PRELID2: variants seen among roughly 807,000 people sequenced by gnomAD.
PRELID2 encodes PRELI domain containing 2, also known as PRELI domain-containing protein 2.
Under a neutral mutation model 28.4 loss-of-function variants are expected in PRELID2, and 25 were observed. The observed-to-expected ratio is 0.88, with a 90% CI of 0.64 to 1.23. The LOEUF is 1.23. Among genes scored for constraint, PRELID2 ranks in the 50% most tolerant of loss-of-function variants. PRELID2 has a pLI of 0.00. For synonymous variants in PRELID2, 76 were observed against 71.6 expected (o/e 1.06, Z -0.31); for missense variants, 201 against 214.4 (o/e 0.94, Z 0.39).
chr5:145,431,762 C>T, the PRELID2 span, among the ~76,000 whole-genome samples: 2 of 152,122 alleles, frequency 1.3e-5, no homozygotes, highest in African/African-American at 4.8e-5. Context: ...CTGAAAGGGA[C>T]TAAAGAGATA....
chr5:145,381,373 A>T, the PRELID2 span, among the ~76,000 whole-genome samples: 1 of 152,146 alleles, frequency 6.6e-6, no homozygotes, highest in African/African-American at 2.4e-5. Context: ...AGCCCCAAAA[A>T]TCTACATATT....
intron 1 of PRELID2, among the ~76,000 whole-genome samples, chr5:145,830,949 C>G (rs1755543129): frequency 2.0e-5 from 3 of 152,180 alleles, no homozygotes; most frequent in African/African-American, 7.2e-5. Flanking sequence ...AATAGAACTT[C>G]CTCAGTGCTA....
At chr5:145,503,314 T>A (rs1044668917) in intron 1 of PRELID2, among the ~76,000 whole-genome samples, 2 of 152,118 alleles carry the variant, frequency 1.3e-5, no homozygotes, top group Non-Finnish European at 2.9e-5. Context: ...CCACACCTCA[T>A]CCACTTAATT....
chr5:145,751,285 C>T (rs1180849461), intron 1 of PRELID2, among the ~76,000 whole-genome samples: 2 of 152,134 alleles, frequency 1.3e-5, no homozygotes, highest in Admixed American at 6.5e-5. Context: ...GGATATGCTG[C>T]GAGAACATAG....
intron 1 of PRELID2, among the ~76,000 whole-genome samples, chr5:145,744,436 A>C (rs1263943832): frequency 1.3e-5 from 2 of 152,224 alleles, no homozygotes; most frequent in African/African-American, 2.4e-5. Context: ...CACCCTGTAC[A>C]GAAGGAATCC....
chr5:145,798,435 T>C (rs1384066247), intron 4 of PRELID2, among the ~76,000 whole-genome samples: 3 of 152,102 alleles, frequency 2.0e-5, no homozygotes, highest in African/African-American at 7.2e-5. Context: ...TCTGTGCAAA[T>C]TAGTTCAACC....
At chr5:145,273,697 T>C in the PRELID2 span, among the ~76,000 whole-genome samples, 17 of 152,166 alleles carry the variant, frequency 1.1e-4, no homozygotes, top group Non-Finnish European at 2.4e-4. Context: ...AAGTTATTGA[T>C]TATGAATATC....
chr5:145,568,750 T>G (rs1752990295), intron 1 of PRELID2, among the ~76,000 whole-genome samples: 1 of 152,202 alleles, frequency 6.6e-6, no homozygotes, highest in Non-Finnish European at 1.5e-5. Context: ...GCCAGCTGCT[T>G]TTATTTATGA....
intron 1 of PRELID2, among the ~76,000 whole-genome samples, chr5:145,730,531 G>A (rs967524883): frequency 2.0e-5 from 3 of 152,170 alleles, no homozygotes; most frequent in East Asian, 1.9e-4. Flanking sequence ...ATGAGGATGA[G>A]GTTGGTTGGA....
At chr5:145,359,839 T>A in the PRELID2 span, among the ~76,000 whole-genome samples, 565 of 152,314 alleles carry the variant, frequency 3.7e-3, 2 homozygotes, top group Non-Finnish European at 6.7e-3. Flanking sequence ...TTATAAACAC[T>A]CTACTACCAA....
the PRELID2 span, among the ~76,000 whole-genome samples, chr5:145,417,343 T>G: frequency 1.3e-5 from 2 of 152,168 alleles, no homozygotes; most frequent in Non-Finnish European, 1.5e-5. Context: ...TTGCCATTTC[T>G]ACTGAAATGA....
At chr5:145,616,387 T>G (rs1046628845) in intron 1 of PRELID2, among the ~76,000 whole-genome samples, 1 of 152,184 alleles carries the variant, frequency 6.6e-6, no homozygotes, top group African/African-American at 2.4e-5. Flanking sequence ...TATTCTTAGG[T>G]TGGTATCAGG....
At chr5:145,412,220 C>A in the PRELID2 span, among the ~76,000 whole-genome samples, 1 of 152,120 alleles carries the variant, frequency 6.6e-6, no homozygotes, top group South Asian at 2.1e-4. Context: ...ATGGGTTTTT[C>A]TTTTTTCCTG....
the PRELID2 span, among the ~76,000 whole-genome samples, chr5:145,340,309 A>G: frequency 1.3e-5 from 2 of 152,106 alleles, no homozygotes; most frequent in East Asian, 3.9e-4. Context: ...TGTCACAGTC[A>G]CCACCAACAT....
the PRELID2 span, among the ~76,000 whole-genome samples, chr5:145,337,692 T>C: frequency 1.3e-4 from 2 of 14,892 alleles, no homozygotes; most frequent in South Asian, 3.9e-3. Flanking sequence ...GGCAAATATA[T>C]ATATATATAT....
intron 5 of PRELID2, among the ~76,000 whole-genome samples, chr5:145,785,920 G>A (rs1751964219): frequency 6.6e-6 from 1 of 152,174 alleles, no homozygotes; most frequent in Non-Finnish European, 1.5e-5. Flanking sequence ...TAAAATAGCT[G>A]AATCCTGCCT....
rs577979528 is a variant in PRELID2 at position 145,677,795 on chromosome 5, G to A, written n.70+87136C>T. Among the ~76,000 whole-genome samples, 3 of 152,298 alleles carry A rather than the reference G, an allele frequency of 2.0e-5. No homozygotes were observed. The South Asian group carries it at 6.2e-4, about 32-fold the overall frequency. On this transcript the variant is annotated intron_variant and non_coding_transcript_variant, in intron 1 of 2. Coordinates refer to the PRELID2 transcript ENST00000510259. ...GTGTGAATTATGAATTTTGGGGTCAGCAACTGTCTGTGGTTTCATTAAAAA... is the reference window on the plus strand; with the variant it reads ...GTGTGAATTATGAATTTTGGGGTCAACAACTGTCTGTGGTTTCATTAAAAA...
At chr5:145,568,493 C>T (rs1159140028) in intron 1 of PRELID2, among the ~76,000 whole-genome samples, 2 of 152,154 alleles carry the variant, frequency 1.3e-5, no homozygotes, top group Non-Finnish European at 2.9e-5. Context: ...GAAAAACTTG[C>T]TTCAGGAGGA....
intron 1 of PRELID2, among the ~76,000 whole-genome samples, chr5:145,694,867 C>A (rs551961210): frequency 6.6e-6 from 1 of 151,302 alleles, no homozygotes; most frequent in South Asian, 2.1e-4. Context: ...GAAGAGCCAG[C>A]TACAATGTTT....
Sources: allele counts gnomAD v4.1 joint callset (sites outside exome capture counted in the v4.1 genomes callset), GRCh38; gene constraint gnomAD v4.1.1; transcripts MANE v1.5; gene names NCBI Gene and HGNC (gene_info 2026-07-23, HGNC 2026-07-21).